Variants in ZNF638 observed in about 807,000 individuals in gnomAD.
ZNF638 encodes the protein zinc finger protein 638, also known as CTCL tumor antigen se33-1.
In ZNF638, 46 loss-of-function variants were observed where a neutral mutation model predicts 195.6. The observed-to-expected ratio is 0.24, with a 90% CI of 0.19 to 0.30. ZNF638 has a LOEUF of 0.30. Among genes scored for constraint, ZNF638 ranks in the 10% least tolerant of loss-of-function variants. The probability of loss-of-function intolerance (pLI) is 1.00; values close to 1 mark genes in which losing one functional copy is unlikely to be tolerated. For synonymous variants in ZNF638, 845 were observed against 772.0 expected, an observed-to-expected ratio of 1.09 and a Z score of -1.57; for missense variants, 2,440 against 2,325.3, an observed-to-expected ratio of 1.05 and a Z score of -1.01.
chr2:71,372,888 T>C (rs2079340112), intron 8 of ZNF638, among the ~76,000 whole-genome samples: 1 of 152,232 alleles, frequency 6.6e-6, no homozygotes, highest in Non-Finnish European at 1.5e-5. Flanking sequence ...TTTCTCTGTA[T>C]GAATATACCA....
At chr2:71,361,178 C>G (rs1417012659) in intron 3 of ZNF638, among the ~76,000 whole-genome samples, 1 of 152,112 alleles carries the variant, frequency 6.6e-6, no homozygotes, top group African/African-American at 2.4e-5. Context: ...GTCTCAAACT[C>G]CTGAGCTCAA....
intron 25 of ZNF638, chr2:71,429,043 TGA>T (rs1294321575): frequency 6.8e-5 from 11 of 161,386 alleles, no homozygotes; most frequent in Non-Finnish European, 1.2e-4. Context: ...AAGGGTCTAG[TGA>T]GAGAGAATAC....
chr2:71,399,714 G>A (rs996735014), intron 13 of ZNF638, 69 bp downstream of exon 13: 285 of 1,288,422 alleles, frequency 2.2e-4, no homozygotes, highest in African/African-American at 3.3e-4. Flanking sequence ...AAGTTCAGGG[G>A]TACATGTGCA....
intron 10 of ZNF638, chr2:71,395,344 C>T (rs938351387): frequency 9.8e-6 from 7 of 713,672 alleles, no homozygotes; most frequent in African/African-American, 1.8e-5. Flanking sequence ...ATGCAAAAAA[C>T]AAAAGGGGGA....
chr2:71,407,413 GT>G (rs2080127589), intron 19 of ZNF638: 1 of 152,092 alleles, frequency 6.6e-6, no homozygotes. Context: ...TTTAAGGATT[GT>G]TTTCTCTTGT....
intron 18 of ZNF638, among the ~76,000 whole-genome samples, 190 bp downstream of exon 18, chr2:71,405,832 T>G (rs937965385): frequency 6.6e-6 from 1 of 152,106 alleles, no homozygotes; most frequent in African/African-American, 2.4e-5. Flanking sequence ...GCGAAAAAAT[T>G]TTTCAGGTAC....
At chr2:71,377,062 C>T (rs2079443002) in intron 8 of ZNF638, among the ~76,000 whole-genome samples, 1 of 152,076 alleles carries the variant, frequency 6.6e-6, no homozygotes, top group Admixed American at 6.6e-5. Context: ...TGCTTGAGCC[C>T]AGGAGTTTGA....
intron 2 of ZNF638, among the ~76,000 whole-genome samples, chr2:71,355,431 C>T (rs1251995935): frequency 2.6e-5 from 4 of 151,978 alleles, no homozygotes; most frequent in Non-Finnish European, 5.9e-5. Flanking sequence ...CTTTTATTTT[C>T]TCCAAGTTTA....
chr2:71,423,889 A>T lies in ZNF638; in HGVS notation c.4375A>T (p.Thr1459Ser). The T allele has an allele frequency of 6.2e-7, 1 of 1,614,068 alleles. No individual in the cohort carries two copies. ...AGAAAGCAGCAGTAAATTCAAACCT[A>T]CTCAGAGCAGTCTTACCAGAGGAGG... The part of the protein sequence containing the change: ...LAESSSKFKP[T>S]QSSLTRGGSG... The change falls in exon 22 of 28, where the codon ACT (threonine) becomes TCT (serine). Residue 1459 changes from threonine to serine, a missense_variant. Physicochemically the swap from Thr to Ser is moderately conservative, Grantham distance 58 (BLOSUM62 1). This residue lies in a region of ZNF638 where 1,883 missense variants were observed against 1,739.1 expected (regional missense o/e 1.08). Transcript: ENST00000264447.
chr2:71,338,376 C>G (rs1339362279), intron 1 of ZNF638, among the ~76,000 whole-genome samples: 1 of 152,178 alleles, frequency 6.6e-6, no homozygotes, highest in East Asian at 1.9e-4. Context: ...TTTATGGACT[C>G]TGTTTTTTCC....
At chr2:71,343,709 C>T (rs1485008301) in intron 1 of ZNF638, among the ~76,000 whole-genome samples, 3 of 152,098 alleles carry the variant, frequency 2.0e-5, no homozygotes, top group Non-Finnish European at 4.4e-5. Context: ...CTTTTTGGGT[C>T]ATAGACCTTT....
chr2:71,426,861 T>A lies in ZNF638; in HGVS notation c.4992T>A (p.Thr1664=). 1.2e-6 allele frequency: 2 copies of A among 1,614,198 alleles called. No individual in the cohort carries two copies. The highest frequency in any genetic ancestry group is 1.7e-6 in the Non-Finnish European group (2 of 1,180,000). Residue 1664 remains threonine, a synonymous_variant, in exon 24 of 28, where the codon ACT becomes ACA. Transcript: ENST00000264447. Reference sequence around the variant, plus strand: ...CCCACAGTGAACCTAAAGATGTTACTGTTCTGTCAGTGGCTGAAGAACAAG... The same window carrying A: ...CCCACAGTGAACCTAAAGATGTTACAGTTCTGTCAGTGGCTGAAGAACAAG... The part of the protein sequence containing the change: ...CISHSEPKDV[T]VLSVAEEQDL...
Position 71,349,666 on chromosome 2 carries a change from G to A in ZNF638, c.712G>A (p.Val238Ile), listed in dbSNP as rs1473662234. 1.2e-6 allele frequency: 2 copies of A among 1,614,046 alleles called. No individual in the cohort carries two copies. Among genetic ancestry groups the A allele is most frequent in the Non-Finnish European group, 1.7e-6 (2 of 1,180,036 alleles). The change falls in exon 2 of 28, where the codon GTC (valine) becomes ATC (isoleucine). Residue 238 changes from valine to isoleucine, a missense_variant. Physicochemically the swap from Val to Ile is conservative, Grantham distance 29 (BLOSUM62 3). This residue lies in a region of ZNF638 where 305 missense variants were observed against 283.6 expected (regional missense o/e 1.08). Transcript: ENST00000264447. ...TGATCCTGAAATTCCAACTGATGAGGTCGAGAATGAATTTCAGTCACAGCA... is the reference window on the plus strand; with the variant it reads ...TGATCCTGAAATTCCAACTGATGAGATCGAGAATGAATTTCAGTCACAGCA... Reference protein sequence around the residue: ...IYDPEIPTDEVENEFQSQQNI... With the variant: ...IYDPEIPTDEIENEFQSQQNI...
intron 1 of ZNF638, among the ~76,000 whole-genome samples, chr2:71,334,339 CAT>C (rs1361340746): frequency 6.6e-6 from 1 of 152,206 alleles, no homozygotes; most frequent in Non-Finnish European, 1.5e-5. Flanking sequence ...TACCCAGTAA[CAT>C]AGCTTGGGCT....
intron 8 of ZNF638, chr2:71,375,528 T>C (rs1348007745): frequency 6.6e-6 from 1 of 151,926 alleles, no homozygotes; most frequent in African/African-American, 2.4e-5. Context: ...AAAGAGTGAG[T>C]TCCCCAGCAG....
In ZNF638 at chr2:71,349,388, C is replaced by G. The variant is rs763194025; in HGVS notation, c.434C>G (p.Ala145Gly). The G allele has an allele frequency of 6.2e-7, 1 of 1,614,114 alleles. No individual in the cohort carries two copies. The highest frequency in any genetic ancestry group is 8.5e-7 in the Non-Finnish European group (1 of 1,180,030). Reference sequence around the variant, plus strand: ...AAAGAGAGTGCCTCAAGTATCTTAGCAAGTTTTGGATTATCTAATGAAGAC... The same window carrying G: ...AAAGAGAGTGCCTCAAGTATCTTAGGAAGTTTTGGATTATCTAATGAAGAC... ...YTKESASSIL[A>G]SFGLSNEDLE... Residue 145 changes from alanine (A) to glycine (G), a missense_variant, in exon 2 of 28, where the codon GCA becomes GGA. Ala to Gly is a moderately conservative substitution (Grantham distance 60). Coordinates refer to ENST00000264447, the MANE Select transcript of ZNF638 (RefSeq NM_014497.5).
intron 10 of ZNF638, among the ~76,000 whole-genome samples, chr2:71,394,659 G>C (rs905667406): frequency 1.3e-5 from 2 of 152,216 alleles, no homozygotes; most frequent in East Asian, 3.9e-4. Flanking sequence ...TGCCACCTTA[G>C]AACATGCCCT....
At chr2:71,366,510 G>A (rs962071535) in intron 6 of ZNF638, among the ~76,000 whole-genome samples, 4 of 152,014 alleles carry the variant, frequency 2.6e-5, no homozygotes, top group Non-Finnish European at 5.9e-5. Context: ...TCAAAATCTC[G>A]TAGCTTAGGA....
intron 10 of ZNF638, among the ~76,000 whole-genome samples, chr2:71,390,413 G>A (rs2079748497): frequency 6.6e-6 from 1 of 152,182 alleles, no homozygotes; most frequent in South Asian, 2.1e-4. Flanking sequence ...AGAACAGTGG[G>A]ATTGGTCCTA....
Sources: allele counts gnomAD v4.1 joint callset (sites outside exome capture counted in the v4.1 genomes callset), GRCh38; gene constraint gnomAD v4.1.1; regional missense constraint gnomAD v4.1.1; transcripts MANE v1.5; gene names NCBI Gene and HGNC (gene_info 2026-07-23, HGNC 2026-07-21).